PRDM9: variants seen among roughly 807,000 people sequenced by gnomAD.
The protein encoded by PRDM9 is PR/SET domain 9.
In PRDM9, 47 loss-of-function variants were observed where a neutral mutation model predicts 55.6. That is an observed-to-expected ratio of 0.85 (90% confidence interval 0.67 to 1.08). PRDM9 has a LOEUF of 1.08. Among genes scored for constraint, PRDM9 ranks in the 50% least tolerant of loss-of-function variants. The pLI is 0.00. For synonymous variants in PRDM9, 312 were observed against 375.7 expected, an observed-to-expected ratio of 0.83 and a Z score of 1.96; for missense variants, 867 against 1,040.3, an observed-to-expected ratio of 0.83 and a Z score of 2.29.
chr5:23,521,189 A>G lies in PRDM9; in HGVS notation c.508+10A>G. Reference sequence around the variant, plus strand: ...TCAAGACTAAAACTGGGTAAGAAAAAATATTTGCGGGGACTTTAGTCCCTC... The same window carrying G: ...TCAAGACTAAAACTGGGTAAGAAAAGATATTTGCGGGGACTTTAGTCCCTC... On this transcript the variant is annotated intron_variant, in intron 6 of 10. Transcript: ENST00000296682. The G allele has an allele frequency of 1.2e-6, 2 of 1,612,408 alleles. No homozygotes were observed. Among genetic ancestry groups the G allele is most frequent in the East Asian group, 4.5e-5 (2 of 44,868 alleles).
intron 4 of PRDM9, among the ~76,000 whole-genome samples, chr5:23,512,428 CA>C (rs1739117130): frequency 6.6e-6 from 1 of 152,046 alleles, no homozygotes; most frequent in African/African-American, 2.4e-5. Context: ...ACGATTTCCC[CA>C]TCTATGGATT....
chr5:23,516,423 A>AGT (rs1303296645), intron 4 of PRDM9, among the ~76,000 whole-genome samples: 1 of 152,064 alleles, frequency 6.6e-6, no homozygotes, highest in Admixed American at 6.6e-5. Context: ...CCCAGGCTGG[A>AGT]GTGCAGTGGC....
chr5:23,508,901 G>C, intron 1 of PRDM9, 49 bp from the exon 2 acceptor site: 2 of 1,034,854 alleles, frequency 1.9e-6, no homozygotes, highest in Non-Finnish European at 2.9e-6. Flanking sequence ...CCTGGTTCTG[G>C]GTAGTGCTCA....
intron 4 of PRDM9, among the ~76,000 whole-genome samples, chr5:23,510,671 G>GT (rs1739078081): frequency 8.6e-6 from 1 of 116,392 alleles, no homozygotes; most frequent in African/African-American, 3.0e-5. Flanking sequence ...GATGATGATG[G>GT]TGATTGTTAC....
intron 5 of PRDM9, among the ~76,000 whole-genome samples, chr5:23,519,604 G>A (rs1298579685): frequency 2.1e-5 from 3 of 143,612 alleles, no homozygotes; most frequent in East Asian, 2.2e-4. Flanking sequence ...GAGGTGATCC[G>A]CCTGCCTTGG....
At position 23,527,644 on chromosome 5, in the gene PRDM9, G is replaced by C. The variant is rs546946042; in HGVS notation, c.2556G>C (p.Arg852Ser). 13 of 1,518,944 alleles carry C rather than the reference G, an allele frequency of 8.6e-6. No homozygotes were observed. The highest frequency in any genetic ancestry group is 1.9e-5 in the Admixed American group (1 of 53,998). The allele number at this position is 1,518,944 out of a possible 1,614,324, so 94.1% of individuals were successfully genotyped here. The change falls in exon 11 of 11, where the codon AGG becomes AGC. Residue 852 changes from arginine to serine, a missense_variant. Around this residue, in one of 5 missense-constraint regions of PRDM9, gnomAD observed 86 missense variants for 73.6 expected, o/e 1.17. Coordinates refer to ENST00000296682, the MANE Select transcript of PRDM9 (RefSeq NM_020227.4). ...AGTCACACCTCCTCAGACACCAGAGGACACACACAGGGGAGAAGCCCTACG... is the reference window on the plus strand; with the variant it reads ...AGTCACACCTCCTCAGACACCAGAGCACACACACAGGGGAGAAGCCCTACG... ...RNKSHLLRHQ[R>S]THTGEKPYVC...
intron 5 of PRDM9, among the ~76,000 whole-genome samples, chr5:23,520,272 G>A (rs1739303391): frequency 7.0e-6 from 1 of 142,854 alleles, no homozygotes; most frequent in African/African-American, 2.6e-5. Context: ...GGCTGAGGTA[G>A]AAGAATCTCT....
At chr5:23,509,246 A>G in intron 2 of PRDM9, 144 bp downstream of exon 2, 1 of 1,329,296 alleles carries the variant, frequency 7.5e-7, no homozygotes, top group Non-Finnish European at 1.1e-6. Context: ...CATGGGGGAG[A>G]AAAGAACACT....
Position 23,509,521 on chromosome 5 carries a change from G to T in PRDM9, c.121G>T (p.Ala41Ser), listed in dbSNP as rs757609204. ...ISIYFTKEEWAEMGDWEKTRY... is the reference protein window; with the variant it reads ...ISIYFTKEEWSEMGDWEKTRY... ...CATATACTTCACCAAGGAAGAATGG[G>T]CAGAGATGGGAGACTGGGAGAAAAC... The change falls in exon 3 of 11, where the codon GCA (alanine) becomes TCA (serine). Residue 41 changes from alanine (A) to serine (S), a missense_variant. By Grantham distance (99) the Ala-to-Ser change is moderately conservative. This residue lies in a region of PRDM9 where 662 missense variants were observed against 711.9 expected (regional missense o/e 0.93). Coordinates refer to ENST00000296682, the MANE Select transcript of PRDM9 (RefSeq NM_020227.4). 6 of 1,614,158 alleles carry T rather than the reference G, an allele frequency of 3.7e-6. No homozygotes were observed. In the Admixed American group the frequency reaches 5.0e-5, roughly 13 times the overall value.
chr5:23,522,146 T>C (rs1403528893), intron 6 of PRDM9, among the ~76,000 whole-genome samples, 158 bp from the exon 7 acceptor site: 1 of 152,124 alleles, frequency 6.6e-6, no homozygotes, highest in Non-Finnish European at 1.5e-5. Context: ...AGTGTGGGTG[T>C]GGGGTCTAAG....
chr5:23,523,874 C>A (rs1739381666), intron 9 of PRDM9, among the ~76,000 whole-genome samples: 2 of 152,068 alleles, frequency 1.3e-5, no homozygotes, highest in Non-Finnish European at 2.9e-5. Flanking sequence ...TGAATGGCAC[C>A]TGAATGAACT....
At chr5:23,510,763 C>T (rs1420616779) in intron 4 of PRDM9, among the ~76,000 whole-genome samples, 1 of 151,836 alleles carries the variant, frequency 6.6e-6, no homozygotes, top group African/African-American at 2.4e-5. Context: ...CCTCAAACTC[C>T]TGGGCTTAAG....
Position 23,522,785 on chromosome 5 carries a change from G to A in PRDM9, c.782G>A (p.Trp261Ter). Reference protein sequence around the residue: ...SGIPQAGLGVWNEASDLPLGL... With the variant: ...SGIPQAGLGV ...ATCCCTCAGGCTGGGCTTGGAGTAT[G>A]GAATGAGGCATCTGATCTGCCGCTG... is the stretch of plus-strand genomic sequence containing the variant. The change falls in exon 8 of 11, where the codon TGG (tryptophan) becomes TAG (stop). Residue 261 changes from tryptophan (W) to a stop codon, truncating the protein, a stop_gained. Transcript: ENST00000296682. LOFTEE classifies it high-confidence loss of function. The A allele has an allele frequency of 6.2e-7, 1 of 1,614,210 alleles. No homozygotes were observed. Among genetic ancestry groups the A allele is most frequent in the Non-Finnish European group, 8.5e-7 (1 of 1,180,052 alleles).
chr5:23,526,060 G>A (rs1299578815), intron 10 of PRDM9, among the ~76,000 whole-genome samples, 173 bp from the exon 11 acceptor site: 1 of 152,166 alleles, frequency 6.6e-6, no homozygotes, highest in South Asian at 2.1e-4. Flanking sequence ...AAGATGTAGT[G>A]AATAAAAGTG....
rs1292024125 is a variant in PRDM9, at chr5:23,526,477, G to C, written c.1389G>C (p.Leu463Phe). Reference sequence around the variant, plus strand: ...AGATCAAAGAAAGGTCCAAACTCTTGAATAAAAGGACATGGCAGAGGGAGA... The same window carrying C: ...AGATCAAAGAAAGGTCCAAACTCTTCAATAAAAGGACATGGCAGAGGGAGA... ...GQEIKERSKL[L>F]NKRTWQREIS... is the part of the protein sequence containing the mutation. The change falls in exon 11 of 11, where the codon TTG (leucine) becomes TTC (phenylalanine). Residue 463 changes from leucine to phenylalanine, a missense_variant. Transcript: ENST00000296682. The C allele has an allele frequency of 6.2e-7, 1 of 1,614,040 alleles. No individual in the cohort carries two copies. Among genetic ancestry groups the C allele is most frequent in the African/African-American group, 1.3e-5 (1 of 75,028 alleles).
intron 4 of PRDM9, among the ~76,000 whole-genome samples, chr5:23,513,399 T>C (rs547750895): frequency 3.3e-4 from 51 of 152,294 alleles, no homozygotes; most frequent in African/African-American, 1.2e-3. Context: ...GGGTTAGTTA[T>C]TGCAGGAGTG....
rs529836450 is a variant in PRDM9 at position 23,509,363 on chromosome 5, C to T, written c.70-107C>T. 108 of 1,572,268 alleles carry T rather than the reference C, an allele frequency of 6.9e-5. No individual in the cohort carries two copies. The African/African-American group carries it at 1.0e-3, about 15-fold the overall frequency. ...AAGGAGGGAAGATCTTTATGTTTCA[C>T]AGAGACTCCCAGAGGCCCCAGGCTA... On this transcript the variant is annotated intron_variant, in intron 2 of 10. Transcript: ENST00000296682.
chr5:23,523,412 T>G, intron 9 of PRDM9, 54 bp downstream of exon 9: 1 of 1,543,740 alleles, frequency 6.5e-7, no homozygotes, highest in Non-Finnish European at 9.0e-7. Flanking sequence ...CTCACAAAGC[T>G]GGATTTCCTT....
At chr5:23,519,457 C>A (rs1405188016) in intron 5 of PRDM9, among the ~76,000 whole-genome samples, 1 of 152,078 alleles carries the variant, frequency 6.6e-6, no homozygotes. Context: ...TAACCTCCCC[C>A]TCCTGGGTTC....
Sources: gnomAD v4.1 joint callset for allele counts (sites outside exome capture counted in the v4.1 genomes callset) on GRCh38, gnomAD v4.1.1 for gene constraint, gnomAD v4.1.1 regional missense constraint, MANE v1.5 for transcripts, NCBI Gene and HGNC (gene_info 2026-07-23, HGNC 2026-07-21) for gene names.